The following ADORA2B variants were observed in gnomAD, a reference collection of about 807,000 sequenced individuals.
ADORA2B encodes the protein adenosine A2b receptor.
ADORA2B carries 18 observed loss-of-function variants against 20.8 expected under a neutral mutation model. The ratio of observed to expected loss-of-function variants is 0.87; its 90% CI spans 0.60 to 1.29. ADORA2B has a LOEUF of 1.29. ADORA2B is among the 50% of genes most tolerant of loss of function. ADORA2B has a pLI of 0.00. For missense variants in ADORA2B, 441 were observed against 422.7 expected (o/e 1.04, Z -0.38); for synonymous variants, 179 against 178.3 (o/e 1.00, Z -0.03).
At chr17:15,949,854 AAAAAAAT>A (rs974381321) in intron 1 of ADORA2B, among the ~76,000 whole-genome samples, 9 of 152,124 alleles carry the variant, frequency 5.9e-5, no homozygotes, top group African/African-American at 2.2e-4. Flanking sequence ...CTCTGTCTCA[AAAAAAAT>A]AAAAAATAAA....
At chr17:15,924,470 A>G in the ADORA2B span, among the ~76,000 whole-genome samples, 3 of 152,170 alleles carry the variant, frequency 2.0e-5, no homozygotes, top group East Asian at 5.8e-4. Context: ...TTATTGTTAA[A>G]AAGTTAGGCA....
rs749875147 is a variant in ADORA2B at position 15,945,264 on chromosome 17, C to T, written c.16C>T (p.Gln6Ter). ...TGGCCCGGCCATGCTGCTGGAGACA[C>T]AGGACGCGCTGTACGTGGCGCTGGA... The part of the protein sequence containing the change: MLLET[Q>*]DALYVALELV... Residue 6 changes from glutamine (Q) to a stop codon, truncating the protein, a stop_gained, in exon 1 of 2, where the codon CAG (glutamine) becomes TAG (stop). Coordinates refer to ENST00000304222, the MANE Select transcript of ADORA2B (RefSeq NM_000676.4). LOFTEE classifies it high-confidence loss of function. 1 of 1,492,364 alleles carries T rather than the reference C, an allele frequency of 6.7e-7. No individual in the cohort carries two copies. The highest frequency in any genetic ancestry group is 8.9e-7 in the Non-Finnish European group (1 of 1,123,070). The allele number at this position is 1,492,364 out of a possible 1,614,324, so 92.4% of individuals were successfully genotyped here. A position where few individuals can be genotyped will look rare whatever the true frequency, so the allele number is the denominator to read the frequency against.
chr17:15,895,027 G>T, the ADORA2B span, among the ~76,000 whole-genome samples: 5 of 152,120 alleles, frequency 3.3e-5, no homozygotes, highest in Admixed American at 2.6e-4. Context: ...AATCAGGAAA[G>T]AGTTGATGCT....
At chr17:15,890,737 T>C in the ADORA2B span, among the ~76,000 whole-genome samples, 2 of 152,126 alleles carry the variant, frequency 1.3e-5, no homozygotes, top group Non-Finnish European at 2.9e-5. Flanking sequence ...GGAGCTGGCC[T>C]CTGAGCAGAG....
chr17:15,946,627 T>C (rs1969810098), intron 1 of ADORA2B, among the ~76,000 whole-genome samples: 1 of 152,206 alleles, frequency 6.6e-6, no homozygotes, highest in Non-Finnish European at 1.5e-5. Flanking sequence ...AGACAGTTTA[T>C]AATAAACGTG....
At chr17:15,893,268 T>C in the ADORA2B span, among the ~76,000 whole-genome samples, 1 of 152,362 alleles carries the variant, frequency 6.6e-6, no homozygotes, top group East Asian at 1.9e-4. Context: ...TCCCATATCC[T>C]ACTGAGAAAT....
chr17:15,959,703 G>T (rs1402875108), intron 1 of ADORA2B, among the ~76,000 whole-genome samples: 1 of 152,136 alleles, frequency 6.6e-6, no homozygotes, highest in Non-Finnish European at 1.5e-5. Context: ...GTTTTGCCAT[G>T]TTGGCCAGGC....
At chr17:15,856,969 G>C in the ADORA2B span, among the ~76,000 whole-genome samples, 1 of 152,202 alleles carries the variant, frequency 6.6e-6, no homozygotes, top group Non-Finnish European at 1.5e-5. Flanking sequence ...ATGTCCCCAG[G>C]ACATGTCAGA....
chr17:15,945,264 CAG>C lies in ADORA2B; in HGVS notation c.17_18del (p.Gln6ArgfsTer68), dbSNP rs1567775176. 2 of 1,492,364 alleles carry C rather than the reference CAG, an allele frequency of 1.3e-6. No homozygotes were observed. 92.4% of individuals were successfully genotyped at this position (1,492,364 alleles called of 1,614,324 possible). Reference sequence around the variant, plus strand: ...TGGCCCGGCCATGCTGCTGGAGACACAGGACGCGCTGTACGTGGCGCTGGAGC... The same window carrying C: ...TGGCCCGGCCATGCTGCTGGAGACACGACGCGCTGTACGTGGCGCTGGAGC... MLLET[Q>X]DALYVALELV... is the part of the protein sequence containing the mutation. On this transcript the variant is annotated frameshift_variant, in exon 1 of 2. Transcript: ENST00000304222. LOFTEE classifies it high-confidence loss of function.
At chr17:15,939,052 T>C in the ADORA2B span, among the ~76,000 whole-genome samples, 2 of 152,142 alleles carry the variant, frequency 1.3e-5, no homozygotes, top group African/African-American at 2.4e-5. Context: ...ATATTATTTA[T>C]TTTTTTGAGG....
At chr17:15,947,547 C>T (rs1218416684) in intron 1 of ADORA2B, among the ~76,000 whole-genome samples, 2 of 152,200 alleles carry the variant, frequency 1.3e-5, no homozygotes, top group Admixed American at 6.5e-5. Flanking sequence ...TGAGGCTCGC[C>T]CCATCCTGCC....
chr17:15,875,167 G>T, the ADORA2B span, among the ~76,000 whole-genome samples: 1 of 152,224 alleles, frequency 6.6e-6, no homozygotes, highest in Non-Finnish European at 1.5e-5. Flanking sequence ...AAAGCTCTGT[G>T]TTCCCATAAT....
the ADORA2B span, among the ~76,000 whole-genome samples, chr17:15,921,456 A>T: frequency 7.9e-5 from 12 of 152,334 alleles, no homozygotes; most frequent in South Asian, 1.7e-3. Context: ...AAACTAGAAG[A>T]TCCATTTTCT....
chr17:15,907,670 A>G, the ADORA2B span, among the ~76,000 whole-genome samples: 1 of 152,204 alleles, frequency 6.6e-6, no homozygotes, highest in African/African-American at 2.4e-5. Context: ...AACTGACAAC[A>G]ACAACAACAA....
the ADORA2B span, among the ~76,000 whole-genome samples, chr17:15,938,791 G>A: frequency 1.3e-5 from 2 of 152,188 alleles, no homozygotes; most frequent in African/African-American, 2.4e-5. Flanking sequence ...TTAGCAGGCA[G>A]TATCACTTGG....
chr17:15,945,531 A>G lies in ADORA2B; in HGVS notation c.283A>G (p.Ser95Gly), dbSNP rs1445365048. 5 of 1,601,996 alleles carry G rather than the reference A, an allele frequency of 3.1e-6. No homozygotes were observed. The highest frequency in any genetic ancestry group is 4.3e-6 in the Non-Finnish European group (5 of 1,175,702). Residue 95 changes from serine (S) to glycine (G), a missense_variant, in exon 1 of 2, where the codon AGC becomes GGC. Transcript: ENST00000304222. ...GGTGCTCACGCAGAGCTCCATCTTC[A>G]GCCTTCTGGCCGTGGCAGTCGACAG... ...VLVLTQSSIF[S>G]LLAVAVDRYL...
the ADORA2B span, among the ~76,000 whole-genome samples, chr17:15,877,002 G>A: frequency 6.6e-6 from 1 of 152,254 alleles, no homozygotes; most frequent in Middle Eastern, 3.4e-3. Flanking sequence ...AAATCATATA[G>A]TATTTGTCCT....
At chr17:15,901,441 G>A in the ADORA2B span, among the ~76,000 whole-genome samples, 3 of 151,254 alleles carry the variant, frequency 2.0e-5, no homozygotes, top group Admixed American at 6.6e-5. Context: ...TCCAGCCTGG[G>A]CAACAAGAGC....
At chr17:15,942,284 G>C (rs763883048), upstream of ADORA2B, among the ~76,000 whole-genome samples, 10 of 151,838 alleles carry the variant, frequency 6.6e-5, no homozygotes, top group African/African-American at 2.4e-4. Flanking sequence ...CACTAGATCC[G>C]GTTGTTAAAA....
Sources: allele counts gnomAD v4.1 joint callset (sites outside exome capture counted in the v4.1 genomes callset), GRCh38; gene constraint gnomAD v4.1.1; transcripts MANE v1.5; gene names NCBI Gene and HGNC (gene_info 2026-07-23, HGNC 2026-07-21).